Variants in LRIG1 observed in about 807,000 individuals in gnomAD.
The protein encoded by LRIG1 is leucine-rich repeats and immunoglobulin-like domains protein 1.
In LRIG1, 48 loss-of-function variants were observed where a neutral mutation model predicts 99.2. The observed-to-expected ratio is 0.48, with a 90% confidence interval of 0.38 to 0.62. The LOEUF is 0.62. Among genes scored for constraint, LRIG1 ranks in the 20% least tolerant of loss-of-function variants. The pLI is 0.00. For missense variants in LRIG1, 1,646 were observed against 1,434.4 expected (o/e 1.15, Z -2.38); for synonymous variants, 772 against 596.1 (o/e 1.29, Z -4.30).
At chr3:66,498,800 G>A (rs1313670500) in intron 1 of LRIG1, among the ~76,000 whole-genome samples, 1 of 152,176 alleles carries the variant, frequency 6.6e-6, no homozygotes, top group Non-Finnish European at 1.5e-5. Context: ...TGTAGTACTT[G>A]TTCATGGAGC....
At chr3:66,487,956 G>C (rs756055154) in intron 1 of LRIG1, among the ~76,000 whole-genome samples, 8 of 151,984 alleles carry the variant, frequency 5.3e-5, no homozygotes, top group Admixed American at 1.3e-4. Context: ...CATTTTAGTT[G>C]TATCCCCAAA....
chr3:66,467,109 C>T (rs576325809), intron 1 of LRIG1, among the ~76,000 whole-genome samples: 4 of 152,270 alleles, frequency 2.6e-5, no homozygotes, highest in East Asian at 3.9e-4. Flanking sequence ...TTTATCCAGG[C>T]GTGTCTGAAA....
intron 1 of LRIG1, among the ~76,000 whole-genome samples, chr3:66,497,996 C>T (rs73836309): frequency 0.035 from 5,323 of 152,158 alleles, 310 homozygotes; most frequent in African/African-American, 0.12. Flanking sequence ...ATAAGACTCA[C>T]GGAGACTAAT....
chr3:66,417,784 C>T (rs1457821105), intron 3 of LRIG1, among the ~76,000 whole-genome samples: 1 of 130,416 alleles, frequency 7.7e-6, no homozygotes, highest in South Asian at 2.4e-4. Context: ...AGGATTTAAA[C>T]AAAAAGAAAA....
chr3:66,486,592 G>A (rs535468069), intron 1 of LRIG1, among the ~76,000 whole-genome samples: 1 of 152,154 alleles, frequency 6.6e-6, no homozygotes, highest in East Asian at 1.9e-4. Flanking sequence ...AGTCACAATC[G>A]ACTCAACTAA....
rs1253544636 is a variant in LRIG1 at position 66,500,444 on chromosome 3, A to C, written c.-37T>G. On this transcript the variant is annotated 5_prime_UTR_variant, in exon 1 of 19. Transcript: ENST00000273261. ...CGCGCTGCGAACTCCGGGCGCGGGG[A>C]CTGTGAGGACCCGAACGGCCGCAGA... 9 of 1,280,602 alleles carry C rather than the reference A, an allele frequency of 7.0e-6. No homozygotes were observed. The African/African-American group carries it at 1.2e-4, about 18-fold the overall frequency. The allele number at this position is 1,280,602 out of a possible 1,614,324, so 79.3% of individuals were successfully genotyped here.
intron 3 of LRIG1, among the ~76,000 whole-genome samples, chr3:66,443,344 T>TGAGGGGCGGGGGATGAGG (rs1703609020): frequency 1.0e-4 from 1 of 9,990 alleles, no homozygotes; most frequent in African/African-American, 3.6e-4. Flanking sequence ...GGGGGATGAG[T>TGAGGGGCGGGGGATGAGG]GAGGGGGCGG....
intron 3 of LRIG1, among the ~76,000 whole-genome samples, chr3:66,419,694 C>T (rs931759156): frequency 4.4e-4 from 67 of 152,026 alleles, no homozygotes; most frequent in African/African-American, 1.2e-3. Context: ...AGAGAGATGG[C>T]GGCAATACAG....
chr3:66,412,213 A>C (rs1702489167), intron 6 of LRIG1, among the ~76,000 whole-genome samples: 1 of 152,200 alleles, frequency 6.6e-6, no homozygotes, highest in Non-Finnish European at 1.5e-5. Context: ...CACAAGACAG[A>C]AATAAACCTC....
intron 3 of LRIG1, among the ~76,000 whole-genome samples, chr3:66,448,928 T>C (rs963950418): frequency 1.1e-4 from 16 of 152,214 alleles, no homozygotes; most frequent in African/African-American, 3.9e-4. Context: ...AAAAAGTGCC[T>C]ACTAAATATT....
At chr3:66,383,502 T>C in intron 14 of LRIG1, 101 bp from the exon 15 acceptor site, 1 of 1,049,756 alleles carries the variant, frequency 9.5e-7, no homozygotes, top group Non-Finnish European at 1.4e-6. Flanking sequence ...ATCAATGAGA[T>C]GCATCTGAGA....
intron 9 of LRIG1, among the ~76,000 whole-genome samples, chr3:66,402,276 C>T (rs1019097671): frequency 1.3e-5 from 2 of 152,172 alleles, no homozygotes; most frequent in African/African-American, 2.4e-5. Context: ...GGCCCCAGCC[C>T]GGGAACCGCA....
intron 1 of LRIG1, among the ~76,000 whole-genome samples, chr3:66,493,183 A>G (rs1701144098): frequency 1.3e-5 from 2 of 152,046 alleles, no homozygotes; most frequent in Non-Finnish European, 2.9e-5. Context: ...GCACACCTGC[A>G]TTTTTCCAAG....
rs927172957 is a variant in LRIG1 at position 66,382,172 on chromosome 3, T to C, written c.2617+101A>G. On this transcript the variant is annotated intron_variant, in intron 16 of 18. Coordinates refer to ENST00000273261, the MANE Select transcript of LRIG1 (RefSeq NM_015541.3). ...CTTCTACTTCACCAAGTTTGCCCCA[T>C]CTAATGCCAGGTACCTGCCCTGTAA... 1.1e-5 allele frequency: 15 copies of C among 1,415,078 alleles called. No homozygotes were observed. The African/African-American group carries it at 2.0e-4, about 19-fold the overall frequency. The allele number at this position is 1,415,078 out of a possible 1,614,324, so 87.7% of individuals were successfully genotyped here. A position where few individuals can be genotyped will look rare whatever the true frequency, so the allele number is the denominator to read the frequency against.
At chr3:66,489,270 C>T (rs535556076) in intron 1 of LRIG1, among the ~76,000 whole-genome samples, 2 of 152,250 alleles carry the variant, frequency 1.3e-5, no homozygotes, top group East Asian at 3.9e-4. Flanking sequence ...ACATCTGTAA[C>T]CCCAGCACTT....
intron 11 of LRIG1, among the ~76,000 whole-genome samples, chr3:66,396,032 T>C (rs143288404): frequency 2.0e-5 from 3 of 152,348 alleles, no homozygotes; most frequent in East Asian, 1.9e-4. Context: ...AAATTTGACA[T>C]TTATCTTTGA....
At chr3:66,389,925 G>T (rs1701550544) in intron 12 of LRIG1, among the ~76,000 whole-genome samples, 1 of 152,080 alleles carries the variant, frequency 6.6e-6, no homozygotes, top group Non-Finnish European at 1.5e-5. Flanking sequence ...AAGAACTGAG[G>T]GTCCTGGGAC....
chr3:66,455,589 G>C (rs954082178), intron 2 of LRIG1, among the ~76,000 whole-genome samples: 3 of 152,212 alleles, frequency 2.0e-5, no homozygotes, highest in African/African-American at 7.2e-5. Context: ...GGCAGACATA[G>C]TGGCTGTTTC....
intron 1 of LRIG1, among the ~76,000 whole-genome samples, chr3:66,495,684 G>T (rs1701210689): frequency 6.6e-6 from 1 of 152,070 alleles, no homozygotes; most frequent in South Asian, 2.1e-4. Flanking sequence ...ATAACTATAG[G>T]CTATTTTAAA....
Sources: gnomAD v4.1 joint callset for allele counts (sites outside exome capture counted in the v4.1 genomes callset) on GRCh38, gnomAD v4.1.1 for gene constraint, MANE v1.5 for transcripts, NCBI Gene and HGNC (gene_info 2026-07-23, HGNC 2026-07-21) for gene names.